Variants in SAMD4A observed in about 807,000 individuals in gnomAD.
The protein encoded by SAMD4A is sterile alpha motif domain containing 4A.
A neutral mutation model predicts 81.3 loss-of-function variants in SAMD4A; 33 were observed. The ratio of observed to expected loss-of-function variants is 0.41; its 90% CI spans 0.31 to 0.54. The LOEUF (loss-of-function observed/expected upper bound fraction) is 0.54. Ranked by LOEUF, SAMD4A falls within the 20% of genes least tolerant of loss-of-function variation. The probability of loss-of-function intolerance (pLI) is 0.37; values close to 1 mark genes in which losing one functional copy is unlikely to be tolerated. For missense variants in SAMD4A, 854 were observed against 951.1 expected (o/e 0.90, Z 1.34); for synonymous variants, 389 against 382.1 (o/e 1.02, Z -0.21).
rs200010227 is a variant in SAMD4A, at chr14:54,776,519, A to G, written c.2023A>G (p.Met675Val). 8 of 1,576,620 alleles carry G rather than the reference A, an allele frequency of 5.1e-6. No homozygotes were observed. Among genetic ancestry groups the G allele is most frequent in the Non-Finnish European group, 6.0e-6 (7 of 1,162,732 alleles). ...GCCCGTGCACACTTCCCCACAGAAC[A>G]TGCTGATGTTCCAGCAGCCAGGTAG... Reference protein sequence around the residue: ...SLPVHTSPQNMLMFQQPEFQL... With the variant: ...SLPVHTSPQNVLMFQQPEFQL... Residue 675 changes from methionine to valine, a missense_variant, in exon 11 of 13, where the codon ATG becomes GTG. Physicochemically the swap from Met to Val is conservative, Grantham distance 21. This residue lies in a region of SAMD4A where 428 missense variants were observed against 471.2 expected (regional missense o/e 0.91). Coordinates refer to ENST00000554335, the MANE Select transcript of SAMD4A (RefSeq NM_015589.6).
chr14:54,611,156 A>C (rs903133147), intron 2 of SAMD4A, among the ~76,000 whole-genome samples: 1 of 152,246 alleles, frequency 6.6e-6, no homozygotes, highest in African/African-American at 2.4e-5. Context: ...AAGAGAAAAA[A>C]AAACCTAAAA....
chr14:54,690,806 A>G (rs139119299), intron 2 of SAMD4A, among the ~76,000 whole-genome samples: 1,994 of 152,318 alleles, frequency 0.013, 33 homozygotes, highest in South Asian at 0.027. Context: ...TGTCACTCCC[A>G]GCTCAGAACC....
At chr14:54,669,243 C>T (rs919032193) in intron 2 of SAMD4A, among the ~76,000 whole-genome samples, 6 of 152,072 alleles carry the variant, frequency 3.9e-5, no homozygotes, top group Admixed American at 3.9e-4. Flanking sequence ...GGTTCACATG[C>T]CCCAGCCTGG....
intron 2 of SAMD4A, among the ~76,000 whole-genome samples, chr14:54,605,117 G>A (rs1396722480): frequency 3.9e-5 from 6 of 152,144 alleles, no homozygotes; most frequent in South Asian, 2.1e-4. Flanking sequence ...TAAAATAATA[G>A]TGTTGTTCGT....
chr14:54,725,298 T>G (rs2037385978), intron 3 of SAMD4A, among the ~76,000 whole-genome samples: 1 of 152,132 alleles, frequency 6.6e-6, no homozygotes. Context: ...GAAAAGGAGG[T>G]GATTCACATC....
At chr14:54,600,394 A>G (rs2140220158) in intron 2 of SAMD4A, among the ~76,000 whole-genome samples, 1 of 152,274 alleles carries the variant, frequency 6.6e-6, no homozygotes, top group Non-Finnish European at 1.5e-5. Context: ...ATTTATTCCT[A>G]AAACAAATCT....
chr14:54,731,767 C>A (rs1474385336), intron 3 of SAMD4A, among the ~76,000 whole-genome samples: 1 of 152,116 alleles, frequency 6.6e-6, no homozygotes, highest in African/African-American at 2.4e-5. Context: ...ACTCATAGGG[C>A]ATGATGAGAG....
chr14:54,631,650 C>T (rs914599515), intron 2 of SAMD4A, among the ~76,000 whole-genome samples: 7 of 152,272 alleles, frequency 4.6e-5, no homozygotes, highest in African/African-American at 1.7e-4. Context: ...TTTATAATCC[C>T]AAATTACTTA....
intron 6 of SAMD4A, among the ~76,000 whole-genome samples, chr14:54,751,836 G>A (rs903201581): frequency 2.6e-5 from 4 of 152,260 alleles, no homozygotes; most frequent in South Asian, 2.1e-4. Context: ...TCTCTGCCTC[G>A]TATACATTTG....
At chr14:54,632,378 A>T (rs899186400) in intron 2 of SAMD4A, among the ~76,000 whole-genome samples, 2 of 152,222 alleles carry the variant, frequency 1.3e-5, no homozygotes, top group Admixed American at 6.5e-5. Context: ...GCACAAAAGA[A>T]TACACAGTAA....
At chr14:54,584,521 T>A (rs2033563267) in intron 2 of SAMD4A, among the ~76,000 whole-genome samples, 3 of 152,324 alleles carry the variant, frequency 2.0e-5, no homozygotes, top group African/African-American at 7.2e-5. Context: ...CTCTGTCAAG[T>A]TAACCATCAG....
chr14:54,690,421 A>C (rs1002021847), intron 2 of SAMD4A, among the ~76,000 whole-genome samples: 1 of 151,938 alleles, frequency 6.6e-6, no homozygotes, highest in Non-Finnish European at 1.5e-5. Flanking sequence ...GTGATAATAG[A>C]CTAAGCTCTT....
intron 3 of SAMD4A, among the ~76,000 whole-genome samples, chr14:54,711,912 C>T (rs2036999267): frequency 6.6e-6 from 1 of 152,152 alleles, no homozygotes; most frequent in Non-Finnish European, 1.5e-5. Context: ...TCAGCGATTT[C>T]AAAGGTACTT....
At chr14:54,776,015 T>TAAAAAAAAAAAAA (rs10539223) in intron 10 of SAMD4A, among the ~76,000 whole-genome samples, 1 of 89,840 alleles carries the variant, frequency 1.1e-5, no homozygotes, top group African/African-American at 4.8e-5. Flanking sequence ...GTAAGAATCT[T>TAAAAAAAAAAAAA]AAAAAAAAAA....
Position 54,702,107 on chromosome 14 carries a change from C to G in SAMD4A, c.242C>G (p.Ser81Cys). 1.2e-6 allele frequency: 2 copies of G among 1,614,142 alleles called. No individual in the cohort carries two copies. Among genetic ancestry groups the G allele is most frequent in the Non-Finnish European group, 1.7e-6 (2 of 1,180,006 alleles). ...CAGGAATCCAAGGATAAAGTGATTT[C>G]CCTCCTGTTAACTCATCTGCCTTTG... is the stretch of plus-strand genomic sequence containing the variant. ...WQQESKDKVISLLLTHLPLLK... is the reference protein window; with the variant it reads ...WQQESKDKVICLLLTHLPLLK... The change falls in exon 3 of 13, where the codon TCC becomes TGC. Residue 81 changes from serine (S) to cysteine (C), a missense_variant. Around this residue, in one of 3 missense-constraint regions of SAMD4A, gnomAD observed 387 missense variants for 405.8 expected, o/e 0.95. Coordinates refer to ENST00000554335, the MANE Select transcript of SAMD4A (RefSeq NM_015589.6).
intron 2 of SAMD4A, among the ~76,000 whole-genome samples, chr14:54,612,868 C>T (rs1166288462): frequency 6.6e-6 from 1 of 152,142 alleles, no homozygotes; most frequent in Non-Finnish European, 1.5e-5. Flanking sequence ...CCTGTAATCC[C>T]AGCACTTTGG....
intron 2 of SAMD4A, among the ~76,000 whole-genome samples, chr14:54,675,888 G>C (rs2035983297): frequency 6.6e-6 from 1 of 152,198 alleles, no homozygotes; most frequent in South Asian, 2.1e-4. Flanking sequence ...TTGCTCGTGA[G>C]GTTTGGAAAA....
chr14:54,791,491 A>G lies in SAMD4A; in HGVS notation c.*2547A>G, dbSNP rs1201231559. ...TAGAAACAATGGTTATCTGATTATT[A>G]GAGATATTATTTTGGATATGTTACT... is the stretch of plus-strand genomic sequence containing the variant. On this transcript the variant is annotated 3_prime_UTR_variant, in exon 13 of 13. Coordinates refer to ENST00000554335, the MANE Select transcript of SAMD4A (RefSeq NM_015589.6). 6.6e-6 allele frequency: 1 copy of G among 152,224 alleles called. No homozygotes were observed. Among genetic ancestry groups the G allele is most frequent in the Non-Finnish European group, 1.5e-5 (1 of 68,040 alleles). 9.4% of individuals were successfully genotyped at this position (152,224 alleles called of 1,614,324 possible).
chr14:54,566,163 G>T (rs952545121), upstream of SAMD4A, among the ~76,000 whole-genome samples: 2 of 151,678 alleles, frequency 1.3e-5, no homozygotes, highest in East Asian at 1.9e-4. Context: ...CAGCGGCCCC[G>T]ACTCGAAGCA....
Sources: allele counts gnomAD v4.1 joint callset (sites outside exome capture counted in the v4.1 genomes callset), GRCh38; gene constraint gnomAD v4.1.1; regional missense constraint gnomAD v4.1.1; transcripts MANE v1.5; gene names NCBI Gene and HGNC (gene_info 2026-07-23, HGNC 2026-07-21).